Variants in ANO3 observed in about 807,000 individuals in gnomAD.
The protein encoded by ANO3 is anoctamin-3.
A neutral mutation model predicts 144.8 loss-of-function variants in ANO3; 99 were observed. The observed-to-expected ratio is 0.68, with a 90% CI of 0.58 to 0.81. ANO3 has a LOEUF of 0.81. ANO3 is among the 30% of genes least tolerant of loss of function. The probability of loss-of-function intolerance (pLI) is 0.00; values close to 1 mark genes in which losing one functional copy is unlikely to be tolerated. For missense variants in ANO3, 905 were observed against 1,202.2 expected (o/e 0.75, Z 3.66); for synonymous variants, 414 against 392.6 (o/e 1.05, Z -0.64).
Position 26,438,609 on chromosome 11 carries a change from G to GA in ANO3, c.47-3294dup, listed in dbSNP as rs1222012718. Among the ~76,000 whole-genome samples the GA allele has an allele frequency of 1.6e-3, 119 of 73,292 alleles. 1 individual carries two copies. Among genetic ancestry groups the GA allele is most frequent in the South Asian group, 7.5e-3 (12 of 1,604 alleles). The allele number at this position is 73,292 out of a possible 152,430, so 48.1% of individuals were successfully genotyped here. On this transcript the variant is annotated intron_variant, in intron 1 of 26. Transcript: ENST00000256737. ...TAAAAATACAAAAAAAAAAAAAAAA[G>GA]AAAAAAAAAAAAAAAGAAAATAGCC...
At chr11:26,357,489 A>G (rs1460306759) in intron 1 of ANO3, among the ~76,000 whole-genome samples, 1 of 151,864 alleles carries the variant, frequency 6.6e-6, no homozygotes, top group Non-Finnish European at 1.5e-5. Flanking sequence ...TGACATCCAT[A>G]CATCATCCTT....
intron 2 of ANO3, 86 bp downstream of exon 2, chr11:26,442,198 C>A: frequency 7.4e-7 from 1 of 1,349,310 alleles, no homozygotes. Context: ...TCCATTGGAC[C>A]AGTTTTATAG....
intron 14 of ANO3, among the ~76,000 whole-genome samples, chr11:26,593,536 C>G (rs1384501412): frequency 1.3e-5 from 2 of 152,140 alleles, no homozygotes; most frequent in African/African-American, 4.8e-5. Context: ...GTCAAGCATA[C>G]CCGGGGCTCT....
At chr11:26,516,455 CT>C (rs1315777151) in intron 5 of ANO3, among the ~76,000 whole-genome samples, 1 of 151,786 alleles carries the variant, frequency 6.6e-6, no homozygotes, top group Non-Finnish European at 1.5e-5. Flanking sequence ...CTAGTGGTAA[CT>C]GGCAGTGTTT....
chr11:26,355,203 T>C (rs901344717), intron 1 of ANO3, among the ~76,000 whole-genome samples: 12 of 152,282 alleles, frequency 7.9e-5, no homozygotes, highest in East Asian at 7.7e-4. Context: ...TACTGAGACA[T>C]GTTCTCCAGC....
chr11:26,615,033 T>C (rs1042573414), intron 17 of ANO3, among the ~76,000 whole-genome samples: 1 of 151,542 alleles, frequency 6.6e-6, no homozygotes, highest in African/African-American at 2.4e-5. Context: ...ATAAAAAGAA[T>C]ATAACTTTTT....
chr11:26,605,092 A>G (rs1300367153), intron 17 of ANO3, among the ~76,000 whole-genome samples: 1 of 152,162 alleles, frequency 6.6e-6, no homozygotes, highest in Non-Finnish European at 1.5e-5. Context: ...ATGTTCCATC[A>G]GTACCTATTT....
At chr11:26,489,133 G>A (rs1032384390) in intron 4 of ANO3, among the ~76,000 whole-genome samples, 24 of 152,272 alleles carry the variant, frequency 1.6e-4, no homozygotes, top group South Asian at 8.3e-4. Flanking sequence ...AAGTGGTTTC[G>A]TGGGCTGGCC....
chr11:26,448,638 T>C (rs1194653300), intron 3 of ANO3, among the ~76,000 whole-genome samples: 1 of 152,234 alleles, frequency 6.6e-6, no homozygotes, highest in Admixed American at 6.5e-5. Context: ...AAGCATTTTA[T>C]ATGAAGATGG....
rs571128831 is a variant in ANO3 at position 26,608,446 on chromosome 11, T to C, written c.1836+8732T>C. ...GGCACGGAGTACAGGGGCAATATAA[T>C]GAAGCACTTTTACTGTCCCTTGGTG... On this transcript the variant is annotated intron_variant, in intron 17 of 26. Transcript: ENST00000256737. Among the ~76,000 whole-genome samples the C allele has an allele frequency of 3.3e-5, 5 of 152,264 alleles. No homozygotes were observed. The South Asian group carries it at 6.2e-4, about 19-fold the overall frequency.
chr11:26,501,678 C>A (rs1216500473), intron 4 of ANO3, among the ~76,000 whole-genome samples: 1 of 152,182 alleles, frequency 6.6e-6, no homozygotes, highest in Non-Finnish European at 1.5e-5. Context: ...AGCTCCACAT[C>A]AGGTCAAGAT....
intron 1 of ANO3, among the ~76,000 whole-genome samples, chr11:26,240,829 G>T (rs912516874): frequency 1.3e-5 from 2 of 152,090 alleles, no homozygotes; most frequent in East Asian, 3.9e-4. Flanking sequence ...TATTCTGTAT[G>T]ATATTCCTCA....
chr11:26,290,693 G>A (rs1853936475), intron 1 of ANO3, among the ~76,000 whole-genome samples: 1 of 152,184 alleles, frequency 6.6e-6, no homozygotes, highest in African/African-American at 2.4e-5. Context: ...GGAGCAGGTT[G>A]TTCAGTTTCC....
chr11:26,223,246 T>C (rs11029398), intron 1 of ANO3, among the ~76,000 whole-genome samples: 53,337 of 151,908 alleles, frequency 0.35, 9,633 homozygotes, highest in Non-Finnish European at 0.38. Context: ...GTCATTATTA[T>C]GTCTGAACTT....
intron 6 of ANO3, among the ~76,000 whole-genome samples, chr11:26,518,653 GTTA>G (rs1366268048): frequency 6.6e-6 from 1 of 151,866 alleles, no homozygotes; most frequent in Non-Finnish European, 1.5e-5. Flanking sequence ...TATTTAATAT[GTTA>G]TTAGCGGATA....
At chr11:26,439,659 G>A (rs980253892) in intron 1 of ANO3, among the ~76,000 whole-genome samples, 3 of 152,248 alleles carry the variant, frequency 2.0e-5, no homozygotes, top group East Asian at 1.9e-4. Flanking sequence ...TTTTAACTCC[G>A]AAAAGTCTGG....
At chr11:26,355,963 C>G (rs1237152450) in intron 1 of ANO3, among the ~76,000 whole-genome samples, 1 of 152,090 alleles carries the variant, frequency 6.6e-6, no homozygotes, top group Non-Finnish European at 1.5e-5. Context: ...AATGGATATC[C>G]TTTGGTTGTA....
Position 26,413,523 on chromosome 11 carries a change from A to G in ANO3, c.47-28395A>G, listed in dbSNP as rs889398692. ...AATCTTGTTATTTCAACCCATATGTAGAAATAATTTTTGTCTATTTTAATA... is the reference window on the plus strand; with the variant it reads ...AATCTTGTTATTTCAACCCATATGTGGAAATAATTTTTGTCTATTTTAATA... On this transcript the variant is annotated intron_variant, in intron 1 of 26. Transcript: ENST00000256737. Among the ~76,000 whole-genome samples the G allele has an allele frequency of 2.0e-5, 3 of 152,164 alleles. No homozygotes were observed. The East Asian group carries it at 5.8e-4, about 30-fold the overall frequency.
chr11:26,425,075 C>T (rs1360933474), intron 1 of ANO3, among the ~76,000 whole-genome samples: 2 of 145,830 alleles, frequency 1.4e-5, no homozygotes, highest in East Asian at 2.3e-4. Flanking sequence ...TGTTCCCCTT[C>T]CTGTGTCCAA....
Sources: allele counts gnomAD v4.1 joint callset (sites outside exome capture counted in the v4.1 genomes callset), GRCh38; gene constraint gnomAD v4.1.1; transcripts MANE v1.5; gene names NCBI Gene and HGNC (gene_info 2026-07-23, HGNC 2026-07-21).